Variants in RBFOX3 observed in about 807,000 individuals in gnomAD.
RBFOX3 encodes the protein RNA binding fox-1 homolog 3, also known as RNA binding protein fox-1 homolog 3.
In RBFOX3, 17 loss-of-function variants were observed where a neutral mutation model predicts 48.7. That is an observed-to-expected ratio of 0.35 (90% CI 0.24 to 0.52). The LOEUF (loss-of-function observed/expected upper bound fraction) is 0.52. Ranked by LOEUF, RBFOX3 falls within the 20% of genes least tolerant of loss-of-function variation. RBFOX3 has a pLI of 0.94. For synonymous variants in RBFOX3, 212 were observed against 209.5 expected, an observed-to-expected ratio of 1.01 and a Z score of -0.10; for missense variants, 382 against 497.5, an observed-to-expected ratio of 0.77 and a Z score of 2.21.
the RBFOX3 span, among the ~76,000 whole-genome samples, chr17:79,633,011 C>T: frequency 3.9e-5 from 6 of 152,350 alleles, no homozygotes; most frequent in East Asian, 7.7e-4. Flanking sequence ...AGTTTGGACC[C>T]AGTCAGGAAT....
At chr17:79,382,543 C>A (rs747073799) in intron 2 of RBFOX3, among the ~76,000 whole-genome samples, 1 of 149,670 alleles carries the variant, frequency 6.7e-6, no homozygotes, top group Non-Finnish European at 1.5e-5. Flanking sequence ...CACGGGCAGG[C>A]GGGGCCCCTG....
At chr17:79,427,482 C>T (rs1304642470) in intron 2 of RBFOX3, among the ~76,000 whole-genome samples, 1 of 152,240 alleles carries the variant, frequency 6.6e-6, no homozygotes, top group African/African-American at 2.4e-5. Flanking sequence ...ACCAGGGGAG[C>T]TGTGAGGCCG....
the RBFOX3 span, among the ~76,000 whole-genome samples, chr17:79,620,209 GCA>G: frequency 1.5e-5 from 2 of 132,988 alleles, no homozygotes; most frequent in East Asian, 2.3e-4. Context: ...ACGTGCACAT[GCA>G]CACACAGGGA....
chr17:79,097,437 G>A lies in RBFOX3; in HGVS notation c.623-13C>T, dbSNP rs999374552. 14 of 1,538,692 alleles carry A rather than the reference G, an allele frequency of 9.1e-6. No individual in the cohort carries two copies. In the African/African-American group the frequency reaches 1.7e-4, roughly 18 times the overall value. On this transcript the variant is annotated splice_polypyrimidine_tract_variant and intron_variant, in intron 10 of 14. Coordinates refer to ENST00000693108, the MANE Select transcript of RBFOX3 (RefSeq NM_001350451.2). ...GGGAACCCCGTCACTGCAGGAAACG[G>A]GGCCCGAGACACGTGTGAGAGGCAC...
chr17:79,175,550 C>T (rs1020523531), intron 4 of RBFOX3, among the ~76,000 whole-genome samples: 1 of 152,214 alleles, frequency 6.6e-6, no homozygotes, highest in African/African-American at 2.4e-5. Flanking sequence ...ATGAAGCAGC[C>T]CTCTTCCTGT....
intron 3 of RBFOX3, among the ~76,000 whole-genome samples, chr17:79,283,219 A>G (rs1289298911): frequency 6.6e-6 from 1 of 150,996 alleles, no homozygotes; most frequent in Non-Finnish European, 1.5e-5. Context: ...TAAATGAGGG[A>G]GACAGAAGTC....
intron 2 of RBFOX3, among the ~76,000 whole-genome samples, chr17:79,326,246 C>G (rs926102038): frequency 6.6e-6 from 1 of 152,174 alleles, no homozygotes; most frequent in Non-Finnish European, 1.5e-5. Flanking sequence ...CCTAGCGTCT[C>G]CCGTCACACC....
At chr17:79,264,866 G>C (rs926438869) in intron 3 of RBFOX3, among the ~76,000 whole-genome samples, 2 of 152,054 alleles carry the variant, frequency 1.3e-5, no homozygotes, top group African/African-American at 2.4e-5. Context: ...GGAAGGTTCT[G>C]CTCCCCTGTA....
chr17:79,296,800 T>TC, intron 3 of RBFOX3, among the ~76,000 whole-genome samples: 3 of 133,256 alleles, frequency 2.3e-5, no homozygotes, highest in Admixed American at 7.3e-5. Flanking sequence ...TCCCTCCTCT[T>TC]TTCCTCCTCC....
Position 79,122,967 on chromosome 17 carries a change from T to C in RBFOX3, c.-33-7219A>G, listed in dbSNP as rs932054286. On this transcript the variant is annotated intron_variant, in intron 4 of 14. Coordinates refer to ENST00000693108, the MANE Select transcript of RBFOX3 (RefSeq NM_001350451.2). ...TAAGCCAGGCACAGAAAGACAAACA[T>C]CGCATGTTCTCACTTATTTGTGGGA... Among the ~76,000 whole-genome samples the C allele has an allele frequency of 4.6e-5, 7 of 151,448 alleles. 1 individual carries two copies. The highest frequency in any genetic ancestry group is 6.6e-5 in the Admixed American group (1 of 15,208).
intron 2 of RBFOX3, among the ~76,000 whole-genome samples, chr17:79,448,468 C>T (rs1018926401): frequency 7.2e-5 from 11 of 152,160 alleles, no homozygotes; most frequent in South Asian, 2.1e-4. Context: ...AGAAGAATGA[C>T]ACACAGAGAA....
At chr17:79,505,200 T>A (rs984815801) in intron 1 of RBFOX3, among the ~76,000 whole-genome samples, 1,784 of 152,158 alleles carry the variant, frequency 0.012, 28 homozygotes, top group South Asian at 0.047. Flanking sequence ...AGCACCACCA[T>A]CATGATCGCT....
At chr17:79,291,811 C>T (rs1271995279) in intron 3 of RBFOX3, among the ~76,000 whole-genome samples, 1 of 152,188 alleles carries the variant, frequency 6.6e-6, no homozygotes, top group Admixed American at 6.5e-5. Flanking sequence ...ATGTGGTTCC[C>T]CTCTGTTCAG....
At chr17:79,095,674 C>T (rs555245160) in intron 12 of RBFOX3, 100 bp from the exon 13 acceptor site, 1 of 1,083,414 alleles carries the variant, frequency 9.2e-7, no homozygotes, top group African/African-American at 1.6e-5. Flanking sequence ...CGGGTGGGGC[C>T]CTGGGAGGGA....
At chr17:79,440,567 G>A (rs1555734225) in intron 2 of RBFOX3, among the ~76,000 whole-genome samples, 1 of 152,202 alleles carries the variant, frequency 6.6e-6, no homozygotes, top group African/African-American at 2.4e-5. Context: ...GCCCTCTTCA[G>A]ATTTTCCTCA....
the RBFOX3 span, among the ~76,000 whole-genome samples, chr17:79,627,852 C>T: frequency 2.0e-5 from 3 of 152,264 alleles, no homozygotes; most frequent in East Asian, 1.9e-4. Flanking sequence ...CAAGGGCAGC[C>T]GGCGGAGGGA....
intron 1 of RBFOX3, among the ~76,000 whole-genome samples, chr17:79,520,626 G>C (rs1483650497): frequency 1.3e-5 from 2 of 152,200 alleles, no homozygotes; most frequent in Admixed American, 1.3e-4. Context: ...TAATGTCCTC[G>C]GCCACCTGAG....
At chr17:79,444,198 G>A (rs1384575034) in intron 2 of RBFOX3, among the ~76,000 whole-genome samples, 3 of 152,178 alleles carry the variant, frequency 2.0e-5, no homozygotes, top group East Asian at 1.9e-4. Context: ...GCTGCAGACC[G>A]GACACCCACT....
chr17:79,101,555 C>T, intron 9 of RBFOX3, 29 bp downstream of exon 9: 1 of 1,541,636 alleles, frequency 6.5e-7, no homozygotes, highest in Non-Finnish European at 8.8e-7. Flanking sequence ...GTGACCCCAG[C>T]AGCCTTGTGG....
Sources: allele counts gnomAD v4.1 joint callset (sites outside exome capture counted in the v4.1 genomes callset), GRCh38; gene constraint gnomAD v4.1.1; transcripts MANE v1.5; gene names NCBI Gene and HGNC (gene_info 2026-07-23, HGNC 2026-07-21).